EGFR: variants seen among roughly 807,000 people sequenced by gnomAD.
EGFR encodes the protein epidermal growth factor receptor, also known as avian erythroblastic leukemia viral (v-erb-b) oncogene homolog.
In EGFR, 58 loss-of-function variants were observed where a neutral mutation model predicts 143.0. That is an observed-to-expected ratio of 0.41 (90% confidence interval 0.33 to 0.50). The LOEUF (loss-of-function observed/expected upper bound fraction) is 0.50, where lower values mean the gene tolerates loss of function less well. Ranked by LOEUF, EGFR falls within the 20% of genes least tolerant of loss-of-function variation. EGFR has a pLI of 0.39. For missense variants in EGFR, 1,307 were observed against 1,579.0 expected (o/e 0.83, Z 2.92); for synonymous variants, 613 against 594.4 (o/e 1.03, Z -0.45).
At chr7:55,190,129 C>G (rs559752271) in intron 20 of EGFR, among the ~76,000 whole-genome samples, 7 of 152,128 alleles carry the variant, frequency 4.6e-5, no homozygotes, top group South Asian at 2.1e-4. Context: ...CTTCTGCCCC[C>G]CCTCTCCTCT....
intron 1 of EGFR, among the ~76,000 whole-genome samples, chr7:55,124,905 C>T (rs992268762): frequency 3.9e-5 from 6 of 152,256 alleles, no homozygotes; most frequent in Non-Finnish European, 5.9e-5. Context: ...CCAAGTTTGT[C>T]GATTCACCCT....
chr7:55,110,704 A>G (rs1792427449), intron 1 of EGFR, among the ~76,000 whole-genome samples: 1 of 152,166 alleles, frequency 6.6e-6, no homozygotes. Context: ...CCGGAAGTAG[A>G]ATTTCAAATA....
At chr7:55,034,739 T>G (rs1787460565) in intron 1 of EGFR, among the ~76,000 whole-genome samples, 1 of 152,230 alleles carries the variant, frequency 6.6e-6, no homozygotes, top group South Asian at 2.1e-4. Context: ...GCTGGAGACT[T>G]GCTGTTTCCT....
rs760571182 is a variant in EGFR, at chr7:55,207,916, T to G, written c.*2299T>G. On this transcript the variant is annotated 3_prime_UTR_variant, in exon 28 of 28. Coordinates refer to ENST00000275493, the MANE Select transcript of EGFR (RefSeq NM_005228.5). The stretch of plus-strand genomic sequence containing the variant: ...TTCACCTCAGGACATGCAGAAATAT[T>G]TCAGTCAGAACTGGGAAACAGAAGG... The G allele has an allele frequency of 2.6e-5, 4 of 152,244 alleles. No individual in the cohort carries two copies. Among genetic ancestry groups the G allele is most frequent in the African/African-American group, 4.8e-5 (2 of 41,462 alleles). The allele number at this position is 152,244 out of a possible 1,614,324, so 9.4% of individuals were successfully genotyped here.
intron 24 of EGFR, 102 bp downstream of exon 24, chr7:55,200,515 G>T (rs554041790): frequency 8.4e-7 from 1 of 1,197,550 alleles, no homozygotes; most frequent in South Asian, 1.2e-5. Context: ...CTGTGTCCCA[G>T]ATCGCATTAT....
At position 55,193,543 on chromosome 7, in the gene EGFR, T is replaced by A. The variant is rs746791941; in HGVS notation, c.2701+702T>A. On this transcript the variant is annotated intron_variant, in intron 22 of 27. Transcript: ENST00000275493. ...TTGCTGACACATTGTCTCTGACCGC[T>A]GTGCCAGGCATTTTCTGCTGAATTA... Among the ~76,000 whole-genome samples, 3 of 152,198 alleles carry A rather than the reference T, an allele frequency of 2.0e-5. No individual in the cohort carries two copies. In the South Asian group the frequency reaches 6.2e-4, roughly 32 times the overall value.
At chr7:55,044,942 G>A (rs1280953537) in intron 1 of EGFR, among the ~76,000 whole-genome samples, 2 of 151,334 alleles carry the variant, frequency 1.3e-5, no homozygotes, top group Non-Finnish European at 3.0e-5. Context: ...TGTTGTTTAC[G>A]TGGCCCTGTG....
chr7:55,118,789 G>A (rs1793025131), intron 1 of EGFR, among the ~76,000 whole-genome samples: 1 of 152,116 alleles, frequency 6.6e-6, no homozygotes, highest in African/African-American at 2.4e-5. Context: ...GAGGGGTGAA[G>A]TGACACATAA....
intron 1 of EGFR, among the ~76,000 whole-genome samples, chr7:55,109,565 G>T (rs995893575): frequency 1.3e-5 from 2 of 152,246 alleles, no homozygotes; most frequent in African/African-American, 4.8e-5. Flanking sequence ...AGACAAGACA[G>T]GTTCTGAAGC....
At chr7:55,122,302 C>T (rs545325223) in intron 1 of EGFR, among the ~76,000 whole-genome samples, 2 of 152,276 alleles carry the variant, frequency 1.3e-5, no homozygotes, top group East Asian at 3.9e-4. Flanking sequence ...CTCTTTTTGT[C>T]CAGTCTGCAT....
intron 5 of EGFR, among the ~76,000 whole-genome samples, chr7:55,152,040 C>G (rs1785185176): frequency 6.6e-6 from 1 of 152,202 alleles, no homozygotes; most frequent in Admixed American, 6.5e-5. Context: ...TGGTACCCAC[C>G]TACACAGAAG....
chr7:55,205,227 C>T (rs1270207194), intron 27 of EGFR, 29 bp from the exon 28 acceptor site: 1 of 1,613,282 alleles, frequency 6.2e-7, no homozygotes, highest in South Asian at 1.1e-5. Context: ...TTGCTGATTA[C>T]TTCACCTCTG....
At chr7:55,084,742 A>G (rs1402459966) in intron 1 of EGFR, among the ~76,000 whole-genome samples, 2 of 152,250 alleles carry the variant, frequency 1.3e-5, no homozygotes, top group Non-Finnish European at 2.9e-5. Context: ...CTGGGAGAAA[A>G]CTAAGAGGAG....
At chr7:55,023,054 G>T (rs1370585185) in intron 1 of EGFR, among the ~76,000 whole-genome samples, 1 of 152,206 alleles carries the variant, frequency 6.6e-6, no homozygotes, top group East Asian at 1.9e-4. Flanking sequence ...GGCAATTGAT[G>T]ATTATGGGCA....
chr7:55,059,045 T>C (rs974056241), intron 1 of EGFR, among the ~76,000 whole-genome samples: 17 of 152,220 alleles, frequency 1.1e-4, no homozygotes, highest in African/African-American at 3.9e-4. Context: ...GGTTTCACAC[T>C]TGTGGGTGAA....
chr7:55,172,488 A>C (rs993664205), intron 16 of EGFR, among the ~76,000 whole-genome samples: 1 of 151,594 alleles, frequency 6.6e-6, no homozygotes, highest in Non-Finnish European at 1.5e-5. Flanking sequence ...CACACAATCC[A>C]TGTGCTCATC....
In EGFR at chr7:55,207,788, G is replaced by A. The variant is rs1027824800; in HGVS notation, c.*2171G>A. The A allele has an allele frequency of 6.6e-6, 1 of 152,246 alleles. No individual in the cohort carries two copies. Among genetic ancestry groups the A allele is most frequent in the Non-Finnish European group, 1.5e-5 (1 of 68,068 alleles). 9.4% of individuals were successfully genotyped at this position (152,246 alleles called of 1,614,324 possible). ...TTCCCTAAAAGTTGCAGCCCCCAGGGGGATTTTGAGCTATCATCTCTGCAC... is the reference window on the plus strand; with the variant it reads ...TTCCCTAAAAGTTGCAGCCCCCAGGAGGATTTTGAGCTATCATCTCTGCAC... On this transcript the variant is annotated 3_prime_UTR_variant, in exon 28 of 28. Transcript: ENST00000275493.
intron 22 of EGFR, among the ~76,000 whole-genome samples, chr7:55,195,735 T>A (rs1352571108): frequency 6.6e-6 from 1 of 152,194 alleles, no homozygotes; most frequent in Non-Finnish European, 1.5e-5. Flanking sequence ...TGTGTTCTCA[T>A]CATTTAGCTC....
Position 55,207,594 on chromosome 7 carries a change from AG to A in EGFR, c.*1979del, listed in dbSNP as rs1788139746. On this transcript the variant is annotated 3_prime_UTR_variant, in exon 28 of 28. Transcript: ENST00000275493. Reference sequence around the variant, plus strand: ...AGGGAGGCCTCACAGGAGGATGACCAGGTCTCAGTCAGCGGGGAGGTGGAAA... The same window carrying A: ...AGGGAGGCCTCACAGGAGGATGACCAGTCTCAGTCAGCGGGGAGGTGGAAA... The A allele has an allele frequency of 6.0e-6, 1 of 166,478 alleles. No homozygotes were observed. Among genetic ancestry groups the A allele is most frequent in the Admixed American group, 6.4e-5 (1 of 15,584 alleles). The allele number at this position is 166,478 out of a possible 1,614,324, so 10.3% of individuals were successfully genotyped here.
Sources: gnomAD v4.1 joint callset for allele counts (sites outside exome capture counted in the v4.1 genomes callset) on GRCh38, gnomAD v4.1.1 for gene constraint, MANE v1.5 for transcripts, NCBI Gene and HGNC (gene_info 2026-07-23, HGNC 2026-07-21) for gene names.